The following PHKA1 variants were observed in gnomAD, a reference collection of about 807,000 sequenced individuals.
PHKA1 encodes phosphorylase kinase regulatory subunit alpha 1.
In PHKA1, 60 loss-of-function variants were observed where a neutral mutation model predicts 110.2. The ratio of observed to expected loss-of-function variants is 0.54; its 90% confidence interval spans 0.44 to 0.68. PHKA1 has a LOEUF of 0.68. Among genes scored for constraint, PHKA1 ranks in the 30% least tolerant of loss-of-function variants. The pLI is 0.00. For missense variants in PHKA1, 801 were observed against 942.5 expected (o/e 0.85, Z 1.97); for synonymous variants, 316 against 333.6 (o/e 0.95, Z 0.58).
chrX:72,604,070 T>C (rs782210518), intron 25 of PHKA1, among the ~76,000 whole-genome samples: 9 of 109,777 alleles, frequency 8.2e-5, no homozygotes, highest in Non-Finnish European at 1.3e-4. Flanking sequence ...ACAAGAAATA[T>C]AACAGGCTAA....
intron 21 of PHKA1, among the ~76,000 whole-genome samples, chrX:72,617,753 A>G (rs2052919216): frequency 9.0e-6 from 1 of 110,503 alleles, no homozygotes; most frequent in African/African-American, 3.3e-5. Flanking sequence ...AGGGAAGCCC[A>G]GGACCAGATG....
At position 72,594,209 on chromosome X, in the gene PHKA1, TCTCAA is replaced by T. The variant is rs782353395; in HGVS notation, c.3073-940_3073-936del. Among the ~76,000 whole-genome samples, 124 of 109,370 alleles carry T rather than the reference TCTCAA, an allele frequency of 1.1e-3. 1 individual carries two copies. The highest frequency in any genetic ancestry group is 3.9e-3 in the African/African-American group (117 of 30,177). The allele number at this position is 109,370 out of a possible 115,157, so 95.0% of individuals were successfully genotyped here. A position where few individuals can be genotyped will look rare whatever the true frequency, so the allele number is the denominator to read the frequency against. On this transcript the variant is annotated intron_variant, in intron 28 of 31. Coordinates refer to ENST00000373542, the MANE Select transcript of PHKA1 (RefSeq NM_002637.4). ...GCCTATATTAAAGAAAGGATAAATGTCTCAAATCAATAAACAAACTTTCCATTTGA... is the reference window on the plus strand; with the variant it reads ...GCCTATATTAAAGAAAGGATAAATGTATCAATAAACAAACTTTCCATTTGA...
intron 13 of PHKA1, among the ~76,000 whole-genome samples, chrX:72,645,994 A>T (rs1332954381): frequency 8.9e-6 from 1 of 112,146 alleles, no homozygotes; most frequent in Admixed American, 9.4e-5. Context: ...TTCTAGGAAG[A>T]GAGTCCAGAA....
chrX:72,635,355 A>G, intron 15 of PHKA1, 56 bp from the exon 16 acceptor site: 1 of 1,084,490 alleles, frequency 9.2e-7, no homozygotes, highest in South Asian at 1.9e-5. Context: ...TTATCAAGTA[A>G]TATTTTAAAC....
chrX:72,673,706 A>G (rs1289616132), intron 6 of PHKA1, among the ~76,000 whole-genome samples: 2 of 110,924 alleles, frequency 1.8e-5, no homozygotes, highest in Non-Finnish European at 3.8e-5. Context: ...AAGAAAAATG[A>G]CATCTATGGT....
chrX:72,610,928 A>G (rs1264236379), intron 22 of PHKA1, 100 bp downstream of exon 22: 3 of 575,540 alleles, frequency 5.2e-6, no homozygotes, highest in Non-Finnish European at 8.6e-6. Flanking sequence ...GACATCTCAA[A>G]TGGTTAGAGG....
chrX:72,593,368 G>T, intron 28 of PHKA1, 94 bp from the exon 29 acceptor site: 1 of 651,214 alleles, frequency 1.5e-6, no homozygotes, highest in African/African-American at 2.2e-5. Flanking sequence ...ATGGAGTCTC[G>T]CTCTGTCGCC....
At chrX:72,652,688 T>C (rs1172955798) in intron 11 of PHKA1, 37 bp from the exon 12 acceptor site, 2 of 828,615 alleles carry the variant, frequency 2.4e-6, no homozygotes, top group Non-Finnish European at 3.6e-6. Context: ...TGAGGAATAA[T>C]AGAAGGTTTA....
intron 6 of PHKA1, among the ~76,000 whole-genome samples, chrX:72,675,026 A>G (rs1296541857): frequency 9.3e-6 from 1 of 107,190 alleles, no homozygotes; most frequent in Admixed American, 1.0e-4. Context: ...TCTACTAAAA[A>G]AAAAAAAAAA....
At chrX:72,599,113 C>T (rs1194666227) in intron 28 of PHKA1, among the ~76,000 whole-genome samples, 2 of 111,313 alleles carry the variant, frequency 1.8e-5, no homozygotes, top group Non-Finnish European at 3.8e-5. Context: ...TCTTCTATAC[C>T]CCTGTCCTAT....
At chrX:72,582,742 C>T in intron 30 of PHKA1, 144 bp from the exon 31 acceptor site, 2 of 512,178 alleles carry the variant, frequency 3.9e-6, no homozygotes, top group Non-Finnish European at 7.0e-6. Context: ...TAAACTGCTT[C>T]AATCTTTTTG....
chrX:72,603,120 G>A lies in PHKA1; in HGVS notation c.2916C>T (p.Ser972=), dbSNP rs782102345. Reference sequence around the variant, plus strand: ...GAAAATGCAGTTATTCAATCTCACCGCTTCGTTCCACTCCAAACTCCTTGC... The same window carrying A: ...GAAAATGCAGTTATTCAATCTCACCACTTCGTTCCACTCCAAACTCCTTGC... ...LSGKEFGVER[S]VRPTDSNVSP... The change falls in exon 26 of 32, where the codon AGC becomes AGT. Residue 972 remains serine, a splice_region_variant and synonymous_variant. Transcript: ENST00000373542. 2.0e-5 allele frequency: 23 copies of A among 1,159,738 alleles called. No individual in the cohort carries two copies. Among genetic ancestry groups the A allele is most frequent in the East Asian group, 3.0e-5 (1 of 33,538 alleles).
chrX:72,583,685 A>G (rs1284387522), intron 30 of PHKA1, among the ~76,000 whole-genome samples: 1 of 112,672 alleles, frequency 8.9e-6, no homozygotes, highest in Admixed American at 9.4e-5. Context: ...TAGTTTGGAC[A>G]AAAAGGAAAA....
chrX:72,701,737 G>C (rs1404078845), intron 3 of PHKA1, among the ~76,000 whole-genome samples: 2 of 111,422 alleles, frequency 1.8e-5, no homozygotes, highest in African/African-American at 6.5e-5. Context: ...AATCTTATCT[G>C]AGATTCCTCC....
chrX:72,645,557 A>T (rs1283067204), intron 13 of PHKA1, among the ~76,000 whole-genome samples: 1 of 112,077 alleles, frequency 8.9e-6, no homozygotes. Flanking sequence ...TTCTAACTGA[A>T]AACATGAAAA....
intron 6 of PHKA1, 21 bp downstream of exon 6, chrX:72,676,049 C>A (rs782288306): frequency 8.6e-7 from 1 of 1,166,443 alleles, no homozygotes; most frequent in South Asian, 1.8e-5. Flanking sequence ...ATACTTAGTA[C>A]AAACAGGAAA....
At chrX:72,605,496 C>CT in intron 24 of PHKA1, 45 bp downstream of exon 24, 1 of 1,173,579 alleles carries the variant, frequency 8.5e-7, no homozygotes, top group East Asian at 3.0e-5. Flanking sequence ...TGAAAACAAA[C>CT]TTTAAAATAT....
chrX:72,616,108 G>C (rs1440643700), intron 21 of PHKA1, among the ~76,000 whole-genome samples: 1 of 111,541 alleles, frequency 9.0e-6, no homozygotes, highest in Non-Finnish European at 1.9e-5. Context: ...CTCACACCTG[G>C]AACTCCCAGC....
At chrX:72,659,331 C>T (rs1236914106) in intron 8 of PHKA1, among the ~76,000 whole-genome samples, 1 of 111,264 alleles carries the variant, frequency 9.0e-6, no homozygotes, top group African/African-American at 3.3e-5. Context: ...TATGAAACTC[C>T]AGGCTCCCCT....
Sources: gnomAD v4.1 joint callset for allele counts (sites outside exome capture counted in the v4.1 genomes callset) on GRCh38, gnomAD v4.1.1 for gene constraint, MANE v1.5 for transcripts, NCBI Gene and HGNC (gene_info 2026-07-23, HGNC 2026-07-21) for gene names.